Variants in HIVEP1 observed in about 807,000 individuals in gnomAD.
HIVEP1 encodes the protein HIVEP zinc finger 1.
HIVEP1 carries 36 observed loss-of-function variants against 180.0 expected under a neutral mutation model. The ratio of observed to expected loss-of-function variants is 0.20; its 90% CI spans 0.15 to 0.26. The LOEUF (loss-of-function observed/expected upper bound fraction) is 0.26. Among genes scored for constraint, HIVEP1 ranks in the 10% least tolerant of loss-of-function variants. The pLI, the probability that HIVEP1 is intolerant of heterozygous loss-of-function variation, is 1.00. For synonymous variants in HIVEP1, 1,239 were observed against 1,239.0 expected, an observed-to-expected ratio of 1.00 and a Z score of 0.00; for missense variants, 3,143 against 3,268.7, an observed-to-expected ratio of 0.96 and a Z score of 0.94.
intron 2 of HIVEP1, among the ~76,000 whole-genome samples, chr6:12,021,536 A>G (rs147364731): frequency 1.3e-5 from 2 of 152,056 alleles, no homozygotes; most frequent in Admixed American, 1.3e-4. Flanking sequence ...TTGTGTCCAC[A>G]TGTGCCTTCT....
rs550663223 is a variant in HIVEP1, at chr6:12,121,718, G to A, written c.1923G>A (p.Thr641=). The part of the protein sequence containing the change: ...LEGKQDSHVG[T]VHAQLQRQQA... Reference sequence around the variant, plus strand: ...GAAAGCAAGACTCTCACGTAGGAACGGTACACGCCCAGCTACAAAGGCAGC... The same window carrying A: ...GAAAGCAAGACTCTCACGTAGGAACAGTACACGCCCAGCTACAAAGGCAGC... The change falls in exon 4 of 9, where the codon ACG becomes ACA. Residue 641 remains threonine, a synonymous_variant. Coordinates refer to ENST00000379388, the MANE Select transcript of HIVEP1 (RefSeq NM_002114.4). This position sits in a 1 kb window ranked among gnomAD's most constrained non-coding sequence, Gnocchi z 5.3. The A allele has an allele frequency of 3.9e-5, 63 of 1,614,166 alleles. No individual in the cohort carries two copies. The highest frequency in any genetic ancestry group is 3.3e-4 in the Middle Eastern group (2 of 6,062).
At chr6:12,144,140 G>A (rs1000835959) in intron 7 of HIVEP1, among the ~76,000 whole-genome samples, 3 of 152,090 alleles carry the variant, frequency 2.0e-5, no homozygotes, top group African/African-American at 7.2e-5. Flanking sequence ...ATACGACAAG[G>A]CTACAGTAAC....
rs548743422 is a variant in HIVEP1, at chr6:12,133,524, G to A, written c.6386-2267G>A. ...TTTGTATATTGAAATGCAGATTTTT[G>A]TTTATTTTACATTAGGAAGTTGATT... On this transcript the variant is annotated intron_variant, in intron 6 of 8. Coordinates refer to ENST00000379388, the MANE Select transcript of HIVEP1 (RefSeq NM_002114.4). Among the ~76,000 whole-genome samples the A allele has an allele frequency of 1.7e-3, 259 of 152,178 alleles. 1 individual carries two copies. Among genetic ancestry groups the A allele is most frequent in the African/African-American group, 5.7e-3 (238 of 41,514 alleles).
chr6:12,202,440 A>G, the HIVEP1 span, among the ~76,000 whole-genome samples: 1 of 152,076 alleles, frequency 6.6e-6, no homozygotes, highest in Non-Finnish European at 1.5e-5. Flanking sequence ...CGCCAGACCC[A>G]TATTTTGTTA....
intron 7 of HIVEP1, among the ~76,000 whole-genome samples, chr6:12,160,661 G>A (rs536849095): frequency 2.6e-5 from 4 of 152,334 alleles, no homozygotes; most frequent in South Asian, 2.1e-4. Flanking sequence ...CGGTGTTACC[G>A]AGTAGACTGT....
the HIVEP1 span, among the ~76,000 whole-genome samples, chr6:12,204,616 A>G: frequency 6.6e-6 from 1 of 152,212 alleles, no homozygotes; most frequent in African/African-American, 2.4e-5. Context: ...TTTATTGAGC[A>G]TGATCTACAG....
intron 3 of HIVEP1, among the ~76,000 whole-genome samples, chr6:12,092,385 T>C (rs1377838037): frequency 6.6e-6 from 1 of 152,192 alleles, no homozygotes; most frequent in Non-Finnish European, 1.5e-5. Context: ...CCCATGCCGT[T>C]GCACATAGCT....
At chr6:12,144,561 G>A (rs114705874) in intron 7 of HIVEP1, among the ~76,000 whole-genome samples, 3,663 of 150,824 alleles carry the variant, frequency 0.024, 144 homozygotes, top group African/African-American at 0.083. Flanking sequence ...GCTTCTGCAC[G>A]AAACTACCAT....
At position 12,161,466 on chromosome 6, in the gene HIVEP1, G is replaced by A. The variant is rs961296167; in HGVS notation, c.6515G>A (p.Arg2172Gln). The change falls in exon 8 of 9, where the codon CGA becomes CAA. Residue 2172 changes from arginine to glutamine, a missense_variant. Coordinates refer to ENST00000379388, the MANE Select transcript of HIVEP1 (RefSeq NM_002114.4). ...SDEKQRFSYE[R>Q]SGYDLEESDG... ...GAAAAACAGAGATTCAGTTATGAGC[G>A]ATCTGGATATGATCTTGAAGAATCT... The A allele has an allele frequency of 1.4e-5, 23 of 1,613,232 alleles. No homozygotes were observed. Among genetic ancestry groups the A allele is most frequent in the Admixed American group, 5.0e-5 (3 of 59,972 alleles).
At chr6:12,159,937 C>T (rs1422855332) in intron 7 of HIVEP1, among the ~76,000 whole-genome samples, 2 of 152,194 alleles carry the variant, frequency 1.3e-5, no homozygotes, top group African/African-American at 4.8e-5. Context: ...TAAGGCTTTT[C>T]TCTAAACTCA....
downstream of HIVEP1, chr6:12,165,066 C>T (rs1760661236): frequency 4.1e-6 from 2 of 489,002 alleles, no homozygotes; most frequent in Non-Finnish European, 8.1e-6. Context: ...GAAAATAGCC[C>T]TGGGTTCCAT....
At chr6:12,172,292 G>A in the HIVEP1 span, among the ~76,000 whole-genome samples, 5 of 144,188 alleles carry the variant, frequency 3.5e-5, no homozygotes, top group Admixed American at 6.7e-5. Context: ...TCAGCACACT[G>A]AACAACTGTT....
intron 3 of HIVEP1, among the ~76,000 whole-genome samples, chr6:12,099,194 T>TG: frequency 6.6e-6 from 1 of 150,748 alleles, no homozygotes; most frequent in Non-Finnish European, 1.5e-5. Context: ...TTTTTTTTTT[T>TG]TTTTTGAGAC....
the HIVEP1 span, among the ~76,000 whole-genome samples, chr6:12,194,825 C>A: frequency 6.6e-6 from 1 of 151,990 alleles, no homozygotes; most frequent in Non-Finnish European, 1.5e-5. Context: ...CAACAAAAAA[C>A]ATAAGTAGCT....
chr6:12,132,851 T>C (rs1231087865), intron 6 of HIVEP1, among the ~76,000 whole-genome samples: 3 of 152,220 alleles, frequency 2.0e-5, no homozygotes, highest in Non-Finnish European at 4.4e-5. Context: ...ACTTCTCTTT[T>C]TTTTACGGTC....
At chr6:12,211,604 T>C in the HIVEP1 span, among the ~76,000 whole-genome samples, 1 of 151,786 alleles carries the variant, frequency 6.6e-6, no homozygotes, top group Non-Finnish European at 1.5e-5. Flanking sequence ...ATATATTTAG[T>C]ATTGCCCGAT....
intron 3 of HIVEP1, among the ~76,000 whole-genome samples, chr6:12,092,851 G>A (rs1773562178): frequency 6.6e-6 from 1 of 152,174 alleles, no homozygotes; most frequent in Non-Finnish European, 1.5e-5. Flanking sequence ...AGAACCAGAA[G>A]AGGTTCAGAG....
At chr6:12,035,552 C>CA (rs1769221984) in intron 2 of HIVEP1, among the ~76,000 whole-genome samples, 1 of 152,144 alleles carries the variant, frequency 6.6e-6, no homozygotes, top group Non-Finnish European at 1.5e-5. Flanking sequence ...TGTATATCAG[C>CA]AAAATTTGTT....
At chr6:12,141,971 TCAA>T in intron 7 of HIVEP1, among the ~76,000 whole-genome samples, 1 of 152,206 alleles carries the variant, frequency 6.6e-6, no homozygotes, top group Middle Eastern at 3.4e-3. Flanking sequence ...ATTAGACAGA[TCAA>T]CAAGACAGAA....
Sources: allele counts gnomAD v4.1 joint callset (sites outside exome capture counted in the v4.1 genomes callset), GRCh38; gene constraint gnomAD v4.1.1; non-coding constraint Gnocchi (gnomAD v3.1); transcripts MANE v1.5; gene names NCBI Gene and HGNC (gene_info 2026-07-23, HGNC 2026-07-21).